Variants in MGAT4C observed in about 807,000 individuals in gnomAD.
MGAT4C encodes the protein alpha-1,3-mannosyl-glycoprotein 4-beta-N-acetylglucosaminyltransferase C.
A neutral mutation model predicts 40.1 loss-of-function variants in MGAT4C; 19 were observed. The observed-to-expected ratio is 0.47, with a 90% CI of 0.33 to 0.70. The LOEUF (loss-of-function observed/expected upper bound fraction) is 0.70, where lower values mean the gene tolerates loss of function less well. MGAT4C is among the 30% of genes least tolerant of loss of function. The pLI, the probability that MGAT4C is intolerant of heterozygous loss-of-function variation, is 0.02. For missense variants in MGAT4C, 491 were observed against 563.2 expected (o/e 0.87, Z 1.30); for synonymous variants, 181 against 187.1 (o/e 0.97, Z 0.27).
chr12:86,563,850 C>T (rs913917658), intron 2 of MGAT4C, among the ~76,000 whole-genome samples: 1 of 152,068 alleles, frequency 6.6e-6, no homozygotes, highest in Non-Finnish European at 1.5e-5. Flanking sequence ...CCAGTGTGTT[C>T]CTGGACTCAT....
At chr12:86,254,710 C>T (rs1952443170) in intron 1 of MGAT4C, among the ~76,000 whole-genome samples, 1 of 151,964 alleles carries the variant, frequency 6.6e-6, no homozygotes, top group Non-Finnish European at 1.5e-5. Context: ...ACAGAATATA[C>T]CAACTTAAAT....
intron 2 of MGAT4C, among the ~76,000 whole-genome samples, chr12:86,652,519 C>T (rs1056103104): frequency 6.6e-6 from 1 of 151,768 alleles, no homozygotes; most frequent in African/African-American, 2.4e-5. Flanking sequence ...AGAATGAATA[C>T]CTGATTCTAG....
At chr12:86,558,224 T>C (rs527962557) in intron 2 of MGAT4C, among the ~76,000 whole-genome samples, 2 of 152,096 alleles carry the variant, frequency 1.3e-5, no homozygotes, top group South Asian at 2.1e-4. Flanking sequence ...CATAAAGTGA[T>C]AAAATATTTG....
At chr12:86,369,688 A>G (rs1312747051) in intron 3 of MGAT4C, among the ~76,000 whole-genome samples, 1 of 151,898 alleles carries the variant, frequency 6.6e-6, no homozygotes, top group Non-Finnish European at 1.5e-5. Context: ...TTTTATGGTT[A>G]TTGTTATTAT....
intron 3 of MGAT4C, among the ~76,000 whole-genome samples, chr12:86,408,475 CTCTCTATA>C (rs1175073024): frequency 1.7e-3 from 178 of 104,338 alleles, no homozygotes; most frequent in East Asian, 0.014. Flanking sequence ...CTCTCTCTCT[CTCTCTATA>C]TATATATATA....
intron 2 of MGAT4C, among the ~76,000 whole-genome samples, chr12:86,445,097 T>C (rs1239184127): frequency 1.3e-5 from 2 of 152,206 alleles, no homozygotes; most frequent in Non-Finnish European, 2.9e-5. Context: ...GACGTGTTCA[T>C]TATTTTGATT....
chr12:86,725,536 C>G (rs1394448173), intron 2 of MGAT4C, among the ~76,000 whole-genome samples: 1 of 152,094 alleles, frequency 6.6e-6, no homozygotes. Flanking sequence ...TCTCGGCTCA[C>G]TGCAACCTCC....
intron 1 of MGAT4C, among the ~76,000 whole-genome samples, chr12:86,215,447 C>A (rs1177128534): frequency 6.6e-6 from 1 of 152,116 alleles, no homozygotes; most frequent in Non-Finnish European, 1.5e-5. Flanking sequence ...TGTAAAGGAA[C>A]TGCAATCTAA....
intron 2 of MGAT4C, among the ~76,000 whole-genome samples, chr12:86,518,591 CA>C (rs986552798): frequency 1.3e-4 from 20 of 152,024 alleles, no homozygotes; most frequent in African/African-American, 4.8e-4. Flanking sequence ...GACAGAAATA[CA>C]AAATGATACA....
At chr12:86,743,079 T>G in intron 1 of MGAT4C, among the ~76,000 whole-genome samples, 1 of 150,102 alleles carries the variant, frequency 6.7e-6, no homozygotes, top group African/African-American at 2.5e-5. Flanking sequence ...TATGCATGTG[T>G]GTATGTGTGT....
intron 3 of MGAT4C, among the ~76,000 whole-genome samples, chr12:86,377,573 G>A (rs920531647): frequency 6.6e-6 from 1 of 152,112 alleles, no homozygotes; most frequent in Non-Finnish European, 1.5e-5. Context: ...TCTTAACGAT[G>A]TTTTAATTTT....
chr12:86,787,801 G>A (rs575164360), intron 1 of MGAT4C, among the ~76,000 whole-genome samples: 1 of 152,234 alleles, frequency 6.6e-6, no homozygotes, highest in East Asian at 1.9e-4. Context: ...AGGCTGGAGT[G>A]CAATGGCATA....
intron 1 of MGAT4C, among the ~76,000 whole-genome samples, chr12:86,800,861 C>G (rs1025008957): frequency 1.3e-5 from 2 of 151,816 alleles, no homozygotes; most frequent in African/African-American, 4.8e-5. Flanking sequence ...CTATATTTGC[C>G]TTACCCAATT....
chr12:86,412,232 G>A (rs1230644998), intron 3 of MGAT4C, among the ~76,000 whole-genome samples: 1 of 152,224 alleles, frequency 6.6e-6, no homozygotes, highest in African/African-American at 2.4e-5. Flanking sequence ...GGGGAGCTGT[G>A]AGAAGAGGGC....
At chr12:86,131,635 A>G (rs1192848692) in intron 1 of MGAT4C, among the ~76,000 whole-genome samples, 4 of 152,020 alleles carry the variant, frequency 2.6e-5, no homozygotes, top group Non-Finnish European at 5.9e-5. Flanking sequence ...GCTTTATGTC[A>G]TTAGTCAGAC....
At chr12:86,159,786 A>G (rs1033922064) in intron 1 of MGAT4C, among the ~76,000 whole-genome samples, 4 of 151,904 alleles carry the variant, frequency 2.6e-5, no homozygotes, top group African/African-American at 9.7e-5. Context: ...GAATTTACCC[A>G]TTTCCTCTAG....
intron 1 of MGAT4C, among the ~76,000 whole-genome samples, chr12:86,229,601 T>C (rs1593293178): frequency 6.6e-6 from 1 of 152,016 alleles, no homozygotes; most frequent in East Asian, 1.9e-4. Context: ...TTAAGTTCTA[T>C]ACATAATAGA....
chr12:86,579,583 TAC>T (rs1960700467), intron 2 of MGAT4C, among the ~76,000 whole-genome samples: 1 of 151,610 alleles, frequency 6.6e-6, no homozygotes, highest in Non-Finnish European at 1.5e-5. Flanking sequence ...AAGAGTTGTT[TAC>T]ACACCATAGT....
chr12:86,220,169 A>G (rs1395671524), intron 1 of MGAT4C, among the ~76,000 whole-genome samples: 3 of 152,092 alleles, frequency 2.0e-5, no homozygotes, highest in African/African-American at 7.2e-5. Flanking sequence ...TGGGGACCTC[A>G]AGGTATAATT....
Sources: allele counts gnomAD v4.1 joint callset (sites outside exome capture counted in the v4.1 genomes callset), GRCh38; gene constraint gnomAD v4.1.1; transcripts MANE v1.5; gene names NCBI Gene and HGNC (gene_info 2026-07-23, HGNC 2026-07-21).